MEGF10: variants seen among roughly 807,000 people sequenced by gnomAD.
The protein encoded by MEGF10 is multiple EGF like domains 10, also known as multiple epidermal growth factor-like domains protein 10.
A neutral mutation model predicts 147.5 loss-of-function variants in MEGF10; 86 were observed. The ratio of observed to expected loss-of-function variants is 0.58; its 90% CI spans 0.49 to 0.70. The LOEUF (loss-of-function observed/expected upper bound fraction) is 0.70, where lower values mean the gene tolerates loss of function less well. Ranked by LOEUF, MEGF10 falls within the 30% of genes least tolerant of loss-of-function variation. MEGF10 has a pLI of 0.00. For synonymous variants in MEGF10, 478 were observed against 525.5 expected, an observed-to-expected ratio of 0.91 and a Z score of 1.24; for missense variants, 1,329 against 1,487.3, an observed-to-expected ratio of 0.89 and a Z score of 1.75.
chr5:127,407,085 T>C (rs1020131409), intron 8 of MEGF10, among the ~76,000 whole-genome samples: 11 of 152,076 alleles, frequency 7.2e-5, no homozygotes, highest in Non-Finnish European at 1.5e-4. Context: ...AAGTCAAAAA[T>C]TATAGACAGG....
intron 5 of MEGF10, among the ~76,000 whole-genome samples, chr5:127,379,064 C>CTTTTTTTT (rs35798578): frequency 1.3e-4 from 16 of 121,448 alleles, no homozygotes; most frequent in African/African-American, 1.5e-4. Context: ...ATTGATTTTT[C>CTTTTTTTT]TTTTTTTTTT....
Position 127,306,117 on chromosome 5 carries a change from T to C in MEGF10, c.-19+15061T>C, listed in dbSNP as rs147803818. Among the ~76,000 whole-genome samples the C allele has an allele frequency of 2.9e-3, 440 of 152,298 alleles. 3 individuals are homozygous for C. The highest frequency in any genetic ancestry group is 0.01 in the African/African-American group (416 of 41,556). ...GGAGTTTTCTGCTTAGCTAGAGAAT[T>C]TGGAAGACCATTTTTCATTTCTTGG... On this transcript the variant is annotated intron_variant, in intron 1 of 24. Coordinates refer to ENST00000503335, the MANE Select transcript of MEGF10 (RefSeq NM_001256545.2).
rs768169688 is a variant in MEGF10 at position 127,410,370 on chromosome 5, C to G, written c.918-19C>G. 6.2e-7 allele frequency: 1 copy of G among 1,612,318 alleles called. No homozygotes were observed. Among genetic ancestry groups the G allele is most frequent in the Non-Finnish European group, 8.5e-7 (1 of 1,178,468 alleles). On this transcript the variant is annotated intron_variant, in intron 8 of 24. Coordinates refer to ENST00000503335, the MANE Select transcript of MEGF10 (RefSeq NM_001256545.2). ...GCACTAACTAATCTTTCTTCTTGCT[C>G]CTGCCTCTTGCTTGGTAGGTGCCAG...
intron 4 of MEGF10, among the ~76,000 whole-genome samples, chr5:127,343,676 C>T (rs540179109): frequency 6.6e-6 from 1 of 152,186 alleles, no homozygotes; most frequent in African/African-American, 2.4e-5. Flanking sequence ...CAGGGCCAAG[C>T]ATGGTGGCTC....
At chr5:127,432,013 T>G (rs1765399439) in intron 13 of MEGF10, among the ~76,000 whole-genome samples, 1 of 152,172 alleles carries the variant, frequency 6.6e-6, no homozygotes, top group South Asian at 2.1e-4. Context: ...AGGCCCAGAT[T>G]TCATACTTTA....
intron 1 of MEGF10, among the ~76,000 whole-genome samples, chr5:127,294,697 G>T (rs1759413814): frequency 6.6e-6 from 1 of 151,864 alleles, no homozygotes. Flanking sequence ...TACTTGGGAG[G>T]CTGAGGCACA....
At chr5:127,345,136 AAGCAGCAGGTGGTCACTGAATGGCTC>A (rs1173386814) in intron 4 of MEGF10, among the ~76,000 whole-genome samples, 2 of 152,206 alleles carry the variant, frequency 1.3e-5, no homozygotes, top group Non-Finnish European at 2.9e-5. Context: ...TGTGCAATAG[AAGCAGCAGGTGGTCACTGAATGGCTC>A]TTCATTCTGT....
chr5:127,339,373 G>C (rs1761591302), intron 3 of MEGF10, 152 bp downstream of exon 3: 2 of 579,724 alleles, frequency 3.4e-6, no homozygotes. Context: ...AATCACAGGG[G>C]ATGTAGAAAA....
At chr5:127,239,938 C>T in the MEGF10 span, among the ~76,000 whole-genome samples, 1 of 152,184 alleles carries the variant, frequency 6.6e-6, no homozygotes, top group African/African-American at 2.4e-5. Context: ...TTTCCCTTGC[C>T]TGGACCCTGA....
chr5:127,393,985 T>C (rs779823818), intron 5 of MEGF10, among the ~76,000 whole-genome samples: 9 of 152,302 alleles, frequency 5.9e-5, no homozygotes, highest in Non-Finnish European at 8.8e-5. Context: ...TCTCTTGTTA[T>C]ATAAAACATG....
chr5:127,391,847 A>G (rs1283366126), intron 5 of MEGF10, among the ~76,000 whole-genome samples: 1 of 152,156 alleles, frequency 6.6e-6, no homozygotes, highest in Non-Finnish European at 1.5e-5. Context: ...GAAATTACAG[A>G]ACAAGGCAAG....
chr5:127,230,984 G>A, the MEGF10 span, among the ~76,000 whole-genome samples: 1 of 152,064 alleles, frequency 6.6e-6, no homozygotes, highest in Non-Finnish European at 1.5e-5. Context: ...TCAGTGAAGG[G>A]CACCCACCAT....
chr5:127,284,066 C>A, the MEGF10 span, among the ~76,000 whole-genome samples: 1 of 152,210 alleles, frequency 6.6e-6, no homozygotes, highest in African/African-American at 2.4e-5. Context: ...GCTGCAAATA[C>A]AATTTCCTCA....
chr5:127,358,818 A>T (rs1338258935), intron 4 of MEGF10, among the ~76,000 whole-genome samples: 1 of 152,178 alleles, frequency 6.6e-6, no homozygotes, highest in Non-Finnish European at 1.5e-5. Flanking sequence ...GTGCTGGTTA[A>T]CATTTTGATG....
chr5:127,433,102 T>C (rs1765439439), intron 13 of MEGF10, among the ~76,000 whole-genome samples: 1 of 152,262 alleles, frequency 6.6e-6, no homozygotes, highest in African/African-American at 2.4e-5. Flanking sequence ...GCTTCCACTT[T>C]ATTGCCTCCT....
chr5:127,295,999 A>G (rs965808276), intron 1 of MEGF10, among the ~76,000 whole-genome samples: 1 of 152,158 alleles, frequency 6.6e-6, no homozygotes, highest in Non-Finnish European at 1.5e-5. Flanking sequence ...TCATTCATTC[A>G]TTCTTCATAT....
chr5:127,352,662 C>T (rs1762125068), intron 4 of MEGF10, among the ~76,000 whole-genome samples: 1 of 151,582 alleles, frequency 6.6e-6, no homozygotes, highest in African/African-American at 2.4e-5. Flanking sequence ...GTGAGACTGT[C>T]TCAAAAAGAA....
chr5:127,338,569 T>A (rs942791790), intron 2 of MEGF10, among the ~76,000 whole-genome samples: 1 of 152,158 alleles, frequency 6.6e-6, no homozygotes, highest in Non-Finnish European at 1.5e-5. Flanking sequence ...AAGACTACTT[T>A]ATAGTATTTA....
At chr5:127,395,393 A>G (rs1763865847) in intron 5 of MEGF10, among the ~76,000 whole-genome samples, 1 of 151,742 alleles carries the variant, frequency 6.6e-6, no homozygotes, top group Non-Finnish European at 1.5e-5. Context: ...TTATCTTTTC[A>G]TTTAATTTGG....
Sources: allele counts gnomAD v4.1 joint callset (sites outside exome capture counted in the v4.1 genomes callset), GRCh38; gene constraint gnomAD v4.1.1; transcripts MANE v1.5; gene names NCBI Gene and HGNC (gene_info 2026-07-23, HGNC 2026-07-21).